Variants in SORCS1 observed in about 807,000 individuals in gnomAD.
SORCS1 encodes sortilin related VPS10 domain containing receptor 1, also known as VPS10 domain-containing receptor SorCS1.
Under a neutral mutation model 146.1 loss-of-function variants are expected in SORCS1, and 60 were observed. The ratio of observed to expected loss-of-function variants is 0.41; its 90% CI spans 0.33 to 0.51. SORCS1 has a LOEUF of 0.51. SORCS1 is among the 20% of genes least tolerant of loss of function. The pLI is 0.21. For missense variants in SORCS1, 1,352 were observed against 1,487.6 expected, an observed-to-expected ratio of 0.91 and a Z score of 1.50; for synonymous variants, 637 against 584.0, an observed-to-expected ratio of 1.09 and a Z score of -1.31.
At chr10:106,980,569 A>T (rs1956210573) in intron 1 of SORCS1, among the ~76,000 whole-genome samples, 1 of 152,210 alleles carries the variant, frequency 6.6e-6, no homozygotes, top group Admixed American at 6.5e-5. Context: ...ATCAATGACA[A>T]GCAAACTTCT....
intron 1 of SORCS1, among the ~76,000 whole-genome samples, chr10:107,006,804 G>A (rs559362827): frequency 6.6e-5 from 10 of 152,270 alleles, no homozygotes; most frequent in South Asian, 2.1e-4. Context: ...GTGACAGAGC[G>A]AGACTCCGTC....
intron 3 of SORCS1, among the ~76,000 whole-genome samples, chr10:106,810,049 C>T (rs1489120079): frequency 2.0e-5 from 3 of 152,112 alleles, no homozygotes; most frequent in South Asian, 2.1e-4. Flanking sequence ...GGCAAAAGCC[C>T]GTCTCTACTA....
In SORCS1 at chr10:107,007,470, G is replaced by T. The variant is rs560811522; in HGVS notation, c.559-50890C>A. Among the ~76,000 whole-genome samples, 440 of 152,284 alleles carry T rather than the reference G, an allele frequency of 2.9e-3. 2 individuals carry two copies. The highest frequency in any genetic ancestry group is 5.2e-3 in the Non-Finnish European group (351 of 68,020). ...CCCCTGGCTGAGTTTCCAGGCAACA[G>T]CCAGTACCATCTTACCAGTCATGTG... On this transcript the variant is annotated intron_variant, in intron 1 of 25. Transcript: ENST00000263054.
At chr10:107,137,634 G>A (rs567798002) in intron 1 of SORCS1, among the ~76,000 whole-genome samples, 9 of 152,238 alleles carry the variant, frequency 5.9e-5, no homozygotes, top group Admixed American at 2.0e-4. Flanking sequence ...AGGTTGAGGC[G>A]GGCAGATCAC....
chr10:107,167,660 G>T (rs1970083800), upstream of SORCS1, among the ~76,000 whole-genome samples: 1 of 152,002 alleles, frequency 6.6e-6, no homozygotes, highest in Admixed American at 6.5e-5. Flanking sequence ...TGTGCAAGAT[G>T]AAAATAATAG....
At chr10:107,076,211 G>T (rs1426487723) in intron 1 of SORCS1, among the ~76,000 whole-genome samples, 1 of 152,046 alleles carries the variant, frequency 6.6e-6, no homozygotes, top group African/African-American at 2.4e-5. Flanking sequence ...CTATGAGACT[G>T]TATCTAAATA....
At chr10:106,934,449 T>C (rs971485963) in intron 2 of SORCS1, among the ~76,000 whole-genome samples, 3 of 151,926 alleles carry the variant, frequency 2.0e-5, no homozygotes, top group Non-Finnish European at 2.9e-5. Context: ...TTAGTGGAGA[T>C]GGGATTTCAC....
intron 17 of SORCS1, among the ~76,000 whole-genome samples, chr10:106,664,240 T>A (rs1850957466): frequency 1.3e-5 from 2 of 152,246 alleles, no homozygotes; most frequent in African/African-American, 4.8e-5. Flanking sequence ...AAGTCACATT[T>A]TAATTGACAT....
At chr10:106,679,566 A>G (rs1852286226) in intron 11 of SORCS1, 66 bp downstream of exon 11, 2 of 1,336,152 alleles carry the variant, frequency 1.5e-6, no homozygotes, top group African/African-American at 1.5e-5. Flanking sequence ...ACTTCCAAGT[A>G]CAGATATCTA....
intron 3 of SORCS1, among the ~76,000 whole-genome samples, chr10:106,817,808 A>T (rs1947816019): frequency 6.6e-6 from 1 of 152,186 alleles, no homozygotes; most frequent in Non-Finnish European, 1.5e-5. Flanking sequence ...ACTGCCTGGC[A>T]GTCAATAAAT....
intron 21 of SORCS1, among the ~76,000 whole-genome samples, chr10:106,616,440 T>C (rs1847367329): frequency 6.6e-6 from 1 of 152,198 alleles, no homozygotes; most frequent in African/African-American, 2.4e-5. Flanking sequence ...GGCAAGTTAT[T>C]CATCACTCTG....
chr10:107,053,879 A>C (rs1960359709), intron 1 of SORCS1, among the ~76,000 whole-genome samples: 1 of 152,152 alleles, frequency 6.6e-6, no homozygotes, highest in South Asian at 2.1e-4. Flanking sequence ...CTGTCTGGCA[A>C]ACAGCACTCG....
At chr10:107,170,090 T>C in the SORCS1 span, among the ~76,000 whole-genome samples, 1 of 152,192 alleles carries the variant, frequency 6.6e-6, no homozygotes, top group Non-Finnish European at 1.5e-5. Flanking sequence ...TTTGAAAATA[T>C]ACCTTTACCA....
intron 18 of SORCS1, among the ~76,000 whole-genome samples, chr10:106,639,632 T>C (rs1474256559): frequency 6.6e-6 from 1 of 152,130 alleles, no homozygotes; most frequent in African/African-American, 2.4e-5. Flanking sequence ...TCAATTACCT[T>C]ACTAGAGTCA....
chr10:107,145,941 C>A (rs1005310010), intron 1 of SORCS1, among the ~76,000 whole-genome samples: 28 of 152,136 alleles, frequency 1.8e-4, no homozygotes, highest in Admixed American at 1.8e-3. Context: ...TATTACTGAA[C>A]TTTACACAAT....
chr10:106,693,011 A>G (rs1853414168), intron 9 of SORCS1, among the ~76,000 whole-genome samples: 1 of 152,184 alleles, frequency 6.6e-6, no homozygotes, highest in African/African-American at 2.4e-5. Context: ...GCACAAAATT[A>G]TTAAACATAT....
chr10:107,082,948 T>C (rs1171140614), intron 1 of SORCS1, among the ~76,000 whole-genome samples: 3 of 149,884 alleles, frequency 2.0e-5, no homozygotes, highest in Non-Finnish European at 4.4e-5. Context: ...CTAGAAAAAA[T>C]ACAAAAAAAA....
chr10:107,134,434 C>G (rs923672109), intron 1 of SORCS1, among the ~76,000 whole-genome samples: 4 of 152,046 alleles, frequency 2.6e-5, no homozygotes, highest in Non-Finnish European at 5.9e-5. Context: ...GTCAGGAGAT[C>G]GAGACCATCC....
At chr10:106,626,053 T>G (rs1345664504) in intron 19 of SORCS1, among the ~76,000 whole-genome samples, 1 of 152,158 alleles carries the variant, frequency 6.6e-6, no homozygotes, top group Admixed American at 6.5e-5. Context: ...TGCAGGAACA[T>G]CGGCTCCATT....
Sources: gnomAD v4.1 joint callset for allele counts (sites outside exome capture counted in the v4.1 genomes callset) on GRCh38, gnomAD v4.1.1 for gene constraint, MANE v1.5 for transcripts, NCBI Gene and HGNC (gene_info 2026-07-23, HGNC 2026-07-21) for gene names.